Variants in MPZL1 observed in about 807,000 individuals in gnomAD.
The protein encoded by MPZL1 is myelin protein zero like 1, also known as myelin protein zero-like protein 1.
Under a neutral mutation model 29.3 loss-of-function variants are expected in MPZL1, and 16 were observed. The observed-to-expected ratio is 0.55, with a 90% confidence interval of 0.37 to 0.83. The LOEUF is 0.83. Ranked by LOEUF, MPZL1 falls within the 40% of genes least tolerant of loss-of-function variation. The pLI, the probability that MPZL1 is intolerant of heterozygous loss-of-function variation, is 0.00. For missense variants in MPZL1, 279 were observed against 332.9 expected (o/e 0.84, Z 1.26); for synonymous variants, 143 against 132.0 (o/e 1.08, Z -0.57).
In MPZL1 at chr1:167,775,131, AT is replaced by A. The variant is rs557965481; in HGVS notation, c.606-932del. Among the ~76,000 whole-genome samples the A allele has an allele frequency of 1.6e-3, 237 of 152,264 alleles. 1 individual carries two copies. Among genetic ancestry groups the A allele is most frequent in the East Asian group, 2.9e-3 (15 of 5,188 alleles). On this transcript the variant is annotated intron_variant, in intron 4 of 5. Transcript: ENST00000359523. The stretch of plus-strand genomic sequence containing the variant: ...GTGCATTAGTTTTCTTTTTTCATAT[AT>A]GTATTATGTTATCAATATTTAAGAT...
intron 1 of MPZL1, among the ~76,000 whole-genome samples, chr1:167,751,685 AAG>A (rs1660762761): frequency 1.3e-5 from 2 of 151,958 alleles, no homozygotes; most frequent in African/African-American, 4.8e-5. Context: ...AAAAAAAAAA[AAG>A]AAAAGAAATT....
intron 1 of MPZL1, among the ~76,000 whole-genome samples, chr1:167,743,630 G>C (rs1476846592): frequency 6.7e-6 from 1 of 149,582 alleles, no homozygotes; most frequent in Non-Finnish European, 1.5e-5. Context: ...TCCTTGGTTA[G>C]GTATATTCCT....
intron 1 of MPZL1, among the ~76,000 whole-genome samples, chr1:167,724,255 T>C (rs576352020): frequency 7.9e-5 from 12 of 152,222 alleles, no homozygotes; most frequent in African/African-American, 2.4e-4. Context: ...TAGTTCAGTA[T>C]AGTGGGAGGT....
chr1:167,735,935 G>T (rs151043480), intron 1 of MPZL1, among the ~76,000 whole-genome samples: 1 of 152,130 alleles, frequency 6.6e-6, no homozygotes, highest in Non-Finnish European at 1.5e-5. Context: ...ATTCTTTGTT[G>T]TCTCTATTTT....
chr1:167,770,873 G>C (rs1661227611), intron 2 of MPZL1, among the ~76,000 whole-genome samples: 1 of 152,126 alleles, frequency 6.6e-6, no homozygotes, highest in Non-Finnish European at 1.5e-5. Context: ...ATGAAATATT[G>C]AGAGGATTAG....
rs145043583 is a variant in MPZL1 at position 167,773,747 on chromosome 1, G to C, written c.605+379G>C. On this transcript the variant is annotated intron_variant, in intron 4 of 5. Coordinates refer to ENST00000359523, the MANE Select transcript of MPZL1 (RefSeq NM_003953.6). Reference sequence around the variant, plus strand: ...CTCACAAGGTGGTTCTTTCCAGTTAGGAAATATAAAACCCTAATTAAGAAG... The same window carrying C: ...CTCACAAGGTGGTTCTTTCCAGTTACGAAATATAAAACCCTAATTAAGAAG... 60 of 156,146 alleles carry C rather than the reference G, an allele frequency of 3.8e-4. 1 individual carries two copies. The East Asian group carries it at 8.3e-3, about 22-fold the overall frequency. The allele number at this position is 156,146 out of a possible 1,614,324, so 9.7% of individuals were successfully genotyped here.
At chr1:167,725,555 G>A (rs180727101) in intron 1 of MPZL1, among the ~76,000 whole-genome samples, 4 of 152,026 alleles carry the variant, frequency 2.6e-5, no homozygotes, top group East Asian at 3.9e-4. Context: ...GCGTGATCTC[G>A]GCTCACCACA....
At chr1:167,737,535 G>T (rs1408519212) in intron 1 of MPZL1, among the ~76,000 whole-genome samples, 1 of 152,182 alleles carries the variant, frequency 6.6e-6, no homozygotes, top group South Asian at 2.1e-4. Flanking sequence ...TTAGCAGATC[G>T]GGTTGTTAGT....
intron 1 of MPZL1, among the ~76,000 whole-genome samples, chr1:167,722,614 C>G (rs945131649): frequency 6.6e-6 from 1 of 152,196 alleles, no homozygotes; most frequent in Non-Finnish European, 1.5e-5. Context: ...TAGGCCCTCC[C>G]GGATTCTGAC....
intron 1 of MPZL1, among the ~76,000 whole-genome samples, chr1:167,738,833 T>C (rs1660439386): frequency 6.6e-6 from 1 of 152,190 alleles, no homozygotes; most frequent in African/African-American, 2.4e-5. Context: ...GCATCATGCT[T>C]CCTGTGTAGC....
In MPZL1 at chr1:167,736,100, C is replaced by A. The variant is rs115931972; in HGVS notation, c.91+13858C>A. 1.1e-3 allele frequency among the ~76,000 whole-genome samples: 168 copies of A among 152,272 alleles called. 1 individual carries two copies. Among genetic ancestry groups the A allele is most frequent in the African/African-American group, 3.9e-3 (164 of 41,522 alleles). On this transcript the variant is annotated intron_variant, in intron 1 of 5. Coordinates refer to ENST00000359523, the MANE Select transcript of MPZL1 (RefSeq NM_003953.6). The stretch of plus-strand genomic sequence containing the variant: ...TTTTTGCTTTCCTTAACATGGTTGA[C>A]CACTTTGATCTCATTTCCTTTGCCT...
intron 1 of MPZL1, among the ~76,000 whole-genome samples, chr1:167,760,374 T>C (rs1410775049): frequency 6.6e-6 from 1 of 152,060 alleles, no homozygotes; most frequent in Non-Finnish European, 1.5e-5. Context: ...GCTAATTCTT[T>C]TGTATTTTTA....
chr1:167,770,617 G>C (rs544061957), intron 2 of MPZL1, among the ~76,000 whole-genome samples: 3 of 152,314 alleles, frequency 2.0e-5, no homozygotes, highest in African/African-American at 7.2e-5. Context: ...AGATATTTAG[G>C]ATTCTTCTCC....
intron 1 of MPZL1, among the ~76,000 whole-genome samples, chr1:167,736,253 A>G (rs1464426923): frequency 6.6e-6 from 1 of 152,150 alleles, no homozygotes; most frequent in Non-Finnish European, 1.5e-5. Flanking sequence ...GTCTCACTGC[A>G]TGCTTGTCTT....
At chr1:167,774,624 G>A (rs891664772) in intron 4 of MPZL1, 5 of 152,134 alleles carry the variant, frequency 3.3e-5, no homozygotes, top group African/African-American at 9.7e-5. Flanking sequence ...TTCTTGCTTC[G>A]GGGTTAATGA....
At chr1:167,740,302 T>G (rs1007352674) in intron 1 of MPZL1, among the ~76,000 whole-genome samples, 5 of 152,218 alleles carry the variant, frequency 3.3e-5, no homozygotes, top group Non-Finnish European at 7.3e-5. Flanking sequence ...CTCCTTTCTT[T>G]GTATGTACAC....
rs1011093346 is a variant in MPZL1 at position 167,791,654 on chromosome 1, A to G, written c.*3733A>G. On this transcript the variant is annotated 3_prime_UTR_variant, in exon 6 of 6. Transcript: ENST00000359523. ...ATCCACAGCCTTGTTCCTAACCACT[A>G]TGCCCTGTGGCCTCTCACACCAAAA... The G allele has an allele frequency of 5.3e-5, 8 of 152,226 alleles. No individual in the cohort carries two copies. Among genetic ancestry groups the G allele is most frequent in the African/African-American group, 1.9e-4 (8 of 41,446 alleles). 9.4% of individuals were successfully genotyped at this position (152,226 alleles called of 1,614,324 possible). A position where few individuals can be genotyped will look rare whatever the true frequency, so the allele number is the denominator to read the frequency against.
At chr1:167,734,045 A>G (rs1029736940) in intron 1 of MPZL1, among the ~76,000 whole-genome samples, 1 of 152,150 alleles carries the variant, frequency 6.6e-6, no homozygotes, top group African/African-American at 2.4e-5. Context: ...TCATGAGGTC[A>G]GGAGATCAAG....
rs910285371 is a variant in MPZL1, at chr1:167,791,753, G to A, written c.*3832G>A. The stretch of plus-strand genomic sequence containing the variant: ...TTGCAGTTTTCTCCCAGTCCCTTAG[G>A]AGCTGGTTAGAGAGTCCCTTAGGAA... On this transcript the variant is annotated 3_prime_UTR_variant, in exon 6 of 6. Transcript: ENST00000359523. 6.6e-6 allele frequency: 1 copy of A among 152,152 alleles called. No individual in the cohort carries two copies. Among genetic ancestry groups the A allele is most frequent in the Non-Finnish European group, 1.5e-5 (1 of 68,030 alleles). 9.4% of individuals were successfully genotyped at this position (152,152 alleles called of 1,614,324 possible). A position where few individuals can be genotyped will look rare whatever the true frequency, so the allele number is the denominator to read the frequency against.
Sources: gnomAD v4.1 joint callset for allele counts (sites outside exome capture counted in the v4.1 genomes callset) on GRCh38, gnomAD v4.1.1 for gene constraint, MANE v1.5 for transcripts, NCBI Gene and HGNC (gene_info 2026-07-23, HGNC 2026-07-21) for gene names.